Variants in CD48 observed in about 807,000 individuals in gnomAD.
The protein encoded by CD48 is CD48 molecule.
CD48 carries 20 observed loss-of-function variants against 22.0 expected under a neutral mutation model. The ratio of observed to expected loss-of-function variants is 0.91; its 90% CI spans 0.64 to 1.32. The LOEUF (loss-of-function observed/expected upper bound fraction) is 1.32, where lower values mean the gene tolerates loss of function less well. Among genes scored for constraint, CD48 ranks in the 40% most tolerant of loss-of-function variants. The pLI is 0.00. For missense variants in CD48, 307 were observed against 286.5 expected, an observed-to-expected ratio of 1.07 and a Z score of -0.52; for synonymous variants, 110 against 110.1, an observed-to-expected ratio of 1.00 and a Z score of 0.01.
intron 2 of CD48, among the ~76,000 whole-genome samples, chr1:160,683,064 C>T (rs1661865480): frequency 1.3e-5 from 2 of 152,204 alleles, no homozygotes; most frequent in African/African-American, 4.8e-5. Context: ...GATCTCAGAT[C>T]GCTAAAAGAT....
At chr1:160,680,893 C>T (rs966383034) in intron 3 of CD48, 3 of 1,406,138 alleles carry the variant, frequency 2.1e-6, no homozygotes, top group Admixed American at 2.9e-5. Flanking sequence ...TCAGTCTACT[C>T]TATGATGACC....
intron 3 of CD48, 45 bp from the exon 4 acceptor site, chr1:160,679,176 G>T: frequency 6.7e-7 from 1 of 1,496,306 alleles, no homozygotes; most frequent in Non-Finnish European, 9.3e-7. Flanking sequence ...TCTTTATCTT[G>T]ACTAATGTAT....
chr1:160,682,710 A>C (rs1661855680), intron 2 of CD48, among the ~76,000 whole-genome samples: 2 of 152,154 alleles, frequency 1.3e-5, no homozygotes, highest in African/African-American at 4.8e-5. Context: ...ATAAAACGTC[A>C]CCTGTCATGG....
chr1:160,689,357 A>G (rs1459672299), intron 1 of CD48, among the ~76,000 whole-genome samples: 2 of 152,150 alleles, frequency 1.3e-5, no homozygotes, highest in African/African-American at 4.8e-5. Flanking sequence ...AGGTCGAATA[A>G]GTGGAGGAAA....
At chr1:160,710,303 T>G (rs557978616) in intron 1 of CD48, among the ~76,000 whole-genome samples, 157 of 152,312 alleles carry the variant, frequency 1.0e-3, no homozygotes, top group Non-Finnish European at 2.0e-3. Flanking sequence ...TATTTTCTAA[T>G]GAAAGTTAAA....
At chr1:160,707,880 A>G (rs1286218734) in intron 1 of CD48, among the ~76,000 whole-genome samples, 1 of 152,130 alleles carries the variant, frequency 6.6e-6, no homozygotes, top group African/African-American at 2.4e-5. Context: ...GTATTCACTC[A>G]TCGAATAACT....
chr1:160,697,112 C>T (rs1032916821), intron 1 of CD48, among the ~76,000 whole-genome samples: 1 of 152,070 alleles, frequency 6.6e-6, no homozygotes, highest in Non-Finnish European at 1.5e-5. Context: ...TGCAGAACAT[C>T]TTACTGGTAA....
At chr1:160,680,914 A>G (rs1661769715) in intron 3 of CD48, 1 of 1,421,360 alleles carries the variant, frequency 7.0e-7, no homozygotes, top group African/African-American at 1.4e-5. Context: ...CTGGCCTCAG[A>G]TGTTAGGACT....
chr1:160,694,751 C>A (rs1312506829), intron 1 of CD48, among the ~76,000 whole-genome samples: 1 of 152,100 alleles, frequency 6.6e-6, no homozygotes, highest in Admixed American at 6.5e-5. Flanking sequence ...AACAGGGTAT[C>A]CTTTTTAGGG....
rs771069048 is a variant in CD48, at chr1:160,711,794, G to A, written c.-31C>T. ...CTTCCAGAACTTCCCAGCAACGCAG[G>A]AGACAGTTGAGAGCCTGGCTAGAAA... On this transcript the variant is annotated 5_prime_UTR_variant, in exon 1 of 4. Coordinates refer to ENST00000368046, the MANE Select transcript of CD48 (RefSeq NM_001778.4). 3 of 1,516,904 alleles carry A rather than the reference G, an allele frequency of 2.0e-6. No homozygotes were observed. The highest frequency in any genetic ancestry group is 2.8e-5 in the African/African-American group (2 of 72,724). 94.0% of individuals were successfully genotyped at this position (1,516,904 alleles called of 1,614,324 possible). A position where few individuals can be genotyped will look rare whatever the true frequency, so the allele number is the denominator to read the frequency against.
chr1:160,706,808 T>A (rs937652108), intron 1 of CD48, among the ~76,000 whole-genome samples: 1 of 151,876 alleles, frequency 6.6e-6, no homozygotes, highest in Non-Finnish European at 1.5e-5. Flanking sequence ...CGGGAAAAAA[T>A]TCAGATCAAA....
intron 1 of CD48, among the ~76,000 whole-genome samples, chr1:160,706,249 T>C (rs1477813643): frequency 6.6e-6 from 1 of 152,142 alleles, no homozygotes; most frequent in Non-Finnish European, 1.5e-5. Context: ...TAATTTTTTG[T>C]ATTTAGTAGA....
intron 1 of CD48, among the ~76,000 whole-genome samples, chr1:160,697,128 ACAGCC>A (rs1369813357): frequency 6.6e-6 from 1 of 152,196 alleles, no homozygotes; most frequent in Non-Finnish European, 1.5e-5. Context: ...GGTAAAAAGA[ACAGCC>A]CACATGAAGG....
intron 3 of CD48, among the ~76,000 whole-genome samples, chr1:160,679,354 G>C (rs1304316866): frequency 6.6e-6 from 1 of 152,086 alleles, no homozygotes; most frequent in Non-Finnish European, 1.5e-5. Context: ...GGCTTACCTG[G>C]GCCCTGTGCT....
intron 1 of CD48, chr1:160,686,650 G>C (rs996603678): frequency 1.3e-5 from 2 of 152,302 alleles, no homozygotes; most frequent in Admixed American, 6.5e-5. Flanking sequence ...GTACAAAAGA[G>C]AGAAATTTTA....
At chr1:160,695,108 T>C (rs1020382229) in intron 1 of CD48, among the ~76,000 whole-genome samples, 1 of 152,130 alleles carries the variant, frequency 6.6e-6, no homozygotes, top group East Asian at 1.9e-4. Context: ...TTTTTTACCA[T>C]CCCTCTGGCA....
intron 3 of CD48, among the ~76,000 whole-genome samples, chr1:160,679,546 C>T (rs1258419930): frequency 6.6e-6 from 1 of 151,622 alleles, no homozygotes; most frequent in Non-Finnish European, 1.5e-5. Flanking sequence ...GTATCTGCAC[C>T]AACTAGGAAG....
At chr1:160,680,073 G>A (rs1464661080) in intron 3 of CD48, among the ~76,000 whole-genome samples, 1 of 152,190 alleles carries the variant, frequency 6.6e-6, no homozygotes, top group Non-Finnish European at 1.5e-5. Context: ...AGAAATCAGT[G>A]CAGTTAAGGA....
chr1:160,697,232 C>T (rs949751943), intron 1 of CD48, among the ~76,000 whole-genome samples: 1 of 152,284 alleles, frequency 6.6e-6, no homozygotes, highest in Non-Finnish European at 1.5e-5. Flanking sequence ...TTGTGTTTCA[C>T]CAGGAGAAAA....
Sources: allele counts gnomAD v4.1 joint callset (sites outside exome capture counted in the v4.1 genomes callset), GRCh38; gene constraint gnomAD v4.1.1; transcripts MANE v1.5; gene names NCBI Gene and HGNC (gene_info 2026-07-23, HGNC 2026-07-21).